The following RNASEH1 variants were observed in gnomAD, a reference collection of about 807,000 sequenced individuals.
The protein encoded by RNASEH1 is ribonuclease H type II.
A neutral mutation model predicts 34.6 loss-of-function variants in RNASEH1; 27 were observed. That is an observed-to-expected ratio of 0.78 (90% CI 0.58 to 1.08). RNASEH1 has a LOEUF of 1.08. RNASEH1 is among the 50% of genes least tolerant of loss of function. RNASEH1 has a pLI of 0.00. For missense variants in RNASEH1, 349 were observed against 373.6 expected (o/e 0.93, Z 0.54); for synonymous variants, 162 against 138.4 (o/e 1.17, Z -1.20).
At chr2:3,535,066 G>A in the RNASEH1 span, among the ~76,000 whole-genome samples, 2 of 152,186 alleles carry the variant, frequency 1.3e-5, no homozygotes, top group Non-Finnish European at 2.9e-5. Context: ...GATGGAGGGT[G>A]CTGATGGTTG....
At chr2:3,555,084 T>C (rs1435015764) in intron 2 of RNASEH1, among the ~76,000 whole-genome samples, 5 of 152,222 alleles carry the variant, frequency 3.3e-5, no homozygotes, top group South Asian at 2.1e-4. Context: ...TGAAGACTTA[T>C]AGGAGGAGCA....
At chr2:3,540,565 C>T (rs570178870), downstream of RNASEH1, among the ~76,000 whole-genome samples, 4 of 152,286 alleles carry the variant, frequency 2.6e-5, no homozygotes, top group South Asian at 6.2e-4. Flanking sequence ...CCTGCCACCG[C>T]GCCTGGGTAA....
At chr2:3,549,160 C>T (rs779692019) in intron 4 of RNASEH1, 48 bp from the exon 5 acceptor site, 1 of 1,346,762 alleles carries the variant, frequency 7.4e-7, no homozygotes, top group African/African-American at 1.4e-5. Flanking sequence ...AGTGAATTCT[C>T]AAAGTGATTC....
chr2:3,546,315 C>G (rs1430290668), intron 7 of RNASEH1, among the ~76,000 whole-genome samples: 4 of 152,118 alleles, frequency 2.6e-5, no homozygotes, highest in Non-Finnish European at 5.9e-5. Flanking sequence ...AAACTATTAT[C>G]AGTGGTTCCA....
chr2:3,557,878 A>G lies in RNASEH1; in HGVS notation c.128+255T>C, dbSNP rs12711976. The G allele has an allele frequency of 0.65, 968,867 of 1,484,926 alleles. 317,708 individuals carry two copies. The highest frequency in any genetic ancestry group is 0.83 in the East Asian group (29,836 of 35,866). The allele number at this position is 1,484,926 out of a possible 1,614,324, so 92.0% of individuals were successfully genotyped here. A position where few individuals can be genotyped will look rare whatever the true frequency, so the allele number is the denominator to read the frequency against. ...AGATGGAGGATTAAACACAGGGTTT[A>G]TTAGGCCACCCCTAACCTTTACGCG... is the stretch of plus-strand genomic sequence containing the variant. On this transcript the variant is annotated intron_variant, in intron 1 of 7. Transcript: ENST00000315212.
chr2:3,537,210 A>G (rs748284774), downstream of RNASEH1, among the ~76,000 whole-genome samples: 1 of 152,170 alleles, frequency 6.6e-6, no homozygotes, highest in Non-Finnish European at 1.5e-5. Flanking sequence ...ACACTGTGCC[A>G]TGTCACAGAG....
intron 7 of RNASEH1, among the ~76,000 whole-genome samples, chr2:3,547,066 T>A (rs1436781674): frequency 6.6e-6 from 1 of 152,156 alleles, no homozygotes; most frequent in Non-Finnish European, 1.5e-5. Context: ...GAGGTTGCAA[T>A]GAGATCACGC....
chr2:3,556,310 T>A (rs1260203013), intron 2 of RNASEH1, among the ~76,000 whole-genome samples: 2 of 144,668 alleles, frequency 1.4e-5, no homozygotes, highest in African/African-American at 5.0e-5. Flanking sequence ...CTATGTAAGT[T>A]TTTTTTTTTT....
intron 1 of RNASEH1, chr2:3,557,895 CT>C: frequency 6.6e-7 from 1 of 1,506,824 alleles, no homozygotes; most frequent in Non-Finnish European, 8.9e-7. Context: ...CACCCCTAAC[CT>C]TTACGCGACG....
chr2:3,554,495 G>A (rs1242194454), intron 2 of RNASEH1, among the ~76,000 whole-genome samples: 1 of 152,086 alleles, frequency 6.6e-6, no homozygotes, highest in African/African-American at 2.4e-5. Flanking sequence ...TCTAAAATAA[G>A]GATAAATGTA....
the RNASEH1 span, among the ~76,000 whole-genome samples, chr2:3,532,890 C>T: frequency 6.6e-6 from 1 of 152,358 alleles, no homozygotes; most frequent in Non-Finnish European, 1.5e-5. Flanking sequence ...AGGCACCGCA[C>T]TAAGGGGCAT....
chr2:3,548,995 T>G (rs759125184), intron 5 of RNASEH1, 63 bp downstream of exon 5: 46 of 1,280,988 alleles, frequency 3.6e-5, no homozygotes, highest in Non-Finnish European at 6.7e-6. Flanking sequence ...AAGAATTAGT[T>G]TATTTGATAA....
At chr2:3,557,957 G>A (rs1221596831) in intron 1 of RNASEH1, 176 bp downstream of exon 1, 42 of 1,508,754 alleles carry the variant, frequency 2.8e-5, no homozygotes, top group Non-Finnish European at 3.6e-5. Flanking sequence ...CAGGCCATGA[G>A]CCTCCTGGAA....
chr2:3,558,045 C>G, intron 1 of RNASEH1, 88 bp downstream of exon 1: 1 of 1,482,486 alleles, frequency 6.7e-7, no homozygotes, highest in Non-Finnish European at 8.9e-7. Context: ...CTCGGACCGC[C>G]AGGCTCCCGC....
chr2:3,532,024 A>G, the RNASEH1 span: 32 of 543,840 alleles, frequency 5.9e-5, no homozygotes, highest in East Asian at 1.6e-4. Context: ...CCATTTGGCC[A>G]AAGCAAGAAG....
intron 2 of RNASEH1, 135 bp downstream of exon 2, chr2:3,556,654 C>T: frequency 1.6e-6 from 1 of 625,830 alleles, no homozygotes. Context: ...CAGTCTGTTC[C>T]CTAATTTGTA....
Position 3,544,252 on chromosome 2 carries a change from G to A in RNASEH1, c.*1533C>T, listed in dbSNP as rs58648964. On this transcript the variant is annotated 3_prime_UTR_variant, in exon 8 of 8. Transcript: ENST00000315212. ...CCTAACCGCCTGTTCTCCTGCCAAA[G>A]GGATCAAATTTGAGGCTCATCAAGC... 9.1e-4 allele frequency among the ~76,000 whole-genome samples: 139 copies of A among 152,246 alleles called. 1 individual carries two copies. The East Asian group carries it at 0.025, about 28-fold the overall frequency.
chr2:3,545,760 C>A lies in RNASEH1; in HGVS notation c.*25G>T, dbSNP rs1485362440. 7 of 1,554,216 alleles carry A rather than the reference C, an allele frequency of 4.5e-6. No homozygotes were observed. The highest frequency in any genetic ancestry group is 6.2e-6 in the Non-Finnish European group (7 of 1,125,468). ...AGCAAGACAGCCGCTGGCTCAAGTT[C>A]TCCCAAGGACTAAAGTCACATGGCT... On this transcript the variant is annotated 3_prime_UTR_variant, in exon 8 of 8. Coordinates refer to ENST00000315212, the MANE Select transcript of RNASEH1 (RefSeq NM_002936.6).
the RNASEH1 span, among the ~76,000 whole-genome samples, chr2:3,536,322 T>C: frequency 6.6e-6 from 1 of 152,080 alleles, no homozygotes; most frequent in African/African-American, 2.4e-5. Flanking sequence ...CCCTGTAAAA[T>C]AAAACAAATG....
Sources: allele counts gnomAD v4.1 joint callset (sites outside exome capture counted in the v4.1 genomes callset), GRCh38; gene constraint gnomAD v4.1.1; transcripts MANE v1.5; gene names NCBI Gene and HGNC (gene_info 2026-07-23, HGNC 2026-07-21).